KLHL12: variants seen among roughly 807,000 people sequenced by gnomAD.
KLHL12 encodes kelch-like protein 12.
In KLHL12, 17 loss-of-function variants were observed where a neutral mutation model predicts 60.8. The observed-to-expected ratio is 0.28, with a 90% CI of 0.19 to 0.42. KLHL12 has a LOEUF of 0.42. Ranked by LOEUF, KLHL12 falls within the 10% of genes least tolerant of loss-of-function variation. KLHL12 has a pLI of 1.00. For synonymous variants in KLHL12, 220 were observed against 250.9 expected, an observed-to-expected ratio of 0.88 and a Z score of 1.16; for missense variants, 468 against 722.3, an observed-to-expected ratio of 0.65 and a Z score of 4.04.
intron 6 of KLHL12, among the ~76,000 whole-genome samples, chr1:202,903,860 C>G (rs1040184642): frequency 1.3e-5 from 2 of 151,502 alleles, no homozygotes; most frequent in African/African-American, 4.8e-5. Flanking sequence ...TGGGCTCCAT[C>G]GCCTGCCTCA....
chr1:202,924,236 TTGTTA>T (rs1430124614), intron 2 of KLHL12, among the ~76,000 whole-genome samples: 1 of 148,970 alleles, frequency 6.7e-6, no homozygotes, highest in Non-Finnish European at 1.5e-5. Flanking sequence ...CTAATTCCCT[TTGTTA>T]AGTGCTTATG....
intron 2 of KLHL12, among the ~76,000 whole-genome samples, chr1:202,921,498 G>A (rs1274302334): frequency 3.9e-5 from 6 of 152,112 alleles, no homozygotes; most frequent in Non-Finnish European, 5.9e-5. Context: ...TAGTAATGAC[G>A]AAAAAGAACA....
chr1:202,927,519 CAAAAAAAA>C (rs869139683), upstream of KLHL12, among the ~76,000 whole-genome samples: 1 of 52,814 alleles, frequency 1.9e-5, no homozygotes, highest in African/African-American at 8.3e-5. Flanking sequence ...CCCGTTTCTA[CAAAAAAAA>C]AAAAAAAAAA....
At position 202,907,963 on chromosome 1, in the gene KLHL12, T is replaced by C. The variant is rs114381938; in HGVS notation, c.832+1047A>G. Among the ~76,000 whole-genome samples the C allele has an allele frequency of 4.3e-3, 658 of 152,206 alleles. 2 individuals are homozygous for C. Among genetic ancestry groups the C allele is most frequent in the African/African-American group, 0.015 (633 of 41,532 alleles). On this transcript the variant is annotated intron_variant, in intron 6 of 11. Coordinates refer to ENST00000367261, the MANE Select transcript of KLHL12 (RefSeq NM_021633.4). ...TCACCATTCTACCTAAACCCATCAG[T>C]GAGCAGCTTAATTATCAACTAACAC...
At chr1:202,921,759 C>G (rs1451880963) in intron 2 of KLHL12, among the ~76,000 whole-genome samples, 1 of 152,152 alleles carries the variant, frequency 6.6e-6, no homozygotes, top group Non-Finnish European at 1.5e-5. Flanking sequence ...GAAAATTTTA[C>G]TAGATCTTAA....
upstream of KLHL12, chr1:202,928,472 A>C (rs1459915024): frequency 7.7e-7 from 1 of 1,296,718 alleles, no homozygotes; most frequent in African/African-American, 1.5e-5. Flanking sequence ...TGCAGCAAGT[A>C]TGTTTTACCT....
rs544550803 is a variant in KLHL12 at position 202,900,681 on chromosome 1, T to G, written c.833-3721A>C. Among the ~76,000 whole-genome samples the G allele has an allele frequency of 4.5e-3, 680 of 152,236 alleles. 2 individuals are homozygous for G. The highest frequency in any genetic ancestry group is 6.3e-3 in the Non-Finnish European group (429 of 68,002). ...GAGTTCAAGGCCAGCCTGGCCAACA[T>G]GGTGAAACCCCATCTCTACTAATAA... On this transcript the variant is annotated intron_variant, in intron 6 of 11. Transcript: ENST00000367261.
chr1:202,906,942 G>A (rs762374851), intron 6 of KLHL12, among the ~76,000 whole-genome samples: 3 of 152,150 alleles, frequency 2.0e-5, no homozygotes, highest in Non-Finnish European at 1.5e-5. Context: ...GATTACAGGT[G>A]TGAGACACCG....
At chr1:202,925,285 T>C in intron 1 of KLHL12, 78 bp from the exon 2 acceptor site, 1 of 1,463,080 alleles carries the variant, frequency 6.8e-7, no homozygotes, top group Non-Finnish European at 9.1e-7. Context: ...CTTTACAAAT[T>C]AAGAACCTAA....
chr1:202,903,093 G>A (rs573885376), intron 6 of KLHL12, among the ~76,000 whole-genome samples: 5 of 140,428 alleles, frequency 3.6e-5, no homozygotes, highest in African/African-American at 1.3e-4. Flanking sequence ...CCCAGAAAGT[G>A]AAGTTTCAGT....
Position 202,896,965 on chromosome 1 carries a change from A to T in KLHL12, c.833-5T>A, listed in dbSNP as rs1255457637. 6.2e-7 allele frequency: 1 copy of T among 1,612,138 alleles called. No individual in the cohort carries two copies. Among genetic ancestry groups the T allele is most frequent in the African/African-American group, 1.3e-5 (1 of 75,010 alleles). ...CCAAAAGCACTTCATTGGCTCCTGA[A>T]GACAAAGGCAGAAAAAAGATGGGTT... On this transcript the variant is annotated splice_region_variant and splice_polypyrimidine_tract_variant and intron_variant, in intron 6 of 11. Transcript: ENST00000367261.
At chr1:202,922,011 C>G (rs1660708569) in intron 2 of KLHL12, among the ~76,000 whole-genome samples, 1 of 152,118 alleles carries the variant, frequency 6.6e-6, no homozygotes, top group South Asian at 2.1e-4. Context: ...ATTACTATCC[C>G]AACACATTAA....
In KLHL12 at chr1:202,898,883, C is replaced by T. The variant is rs146374291; in HGVS notation, c.833-1923G>A. Among the ~76,000 whole-genome samples the T allele has an allele frequency of 2.4e-3, 360 of 151,142 alleles. 1 individual carries two copies. The highest frequency in any genetic ancestry group is 8.4e-3 in the African/African-American group (343 of 41,074). ...TTATGGAAAAAAAATTACACAAACA[C>T]GTGAGAATAAGGAATTGTGTGATTT... On this transcript the variant is annotated intron_variant, in intron 6 of 11. Transcript: ENST00000367261.
chr1:202,903,139 G>A (rs1406291576), intron 6 of KLHL12, among the ~76,000 whole-genome samples: 1 of 120,268 alleles, frequency 8.3e-6, no homozygotes, highest in Non-Finnish European at 1.6e-5. Flanking sequence ...TAGCCTAGGA[G>A]CCAGAGTGAG....
intron 5 of KLHL12, among the ~76,000 whole-genome samples, chr1:202,910,600 G>T (rs1660323733): frequency 6.6e-6 from 1 of 152,138 alleles, no homozygotes; most frequent in African/African-American, 2.4e-5. Flanking sequence ...AACTTAAGTT[G>T]GAGAAACACT....
At chr1:202,923,411 C>T (rs1660756916) in intron 2 of KLHL12, among the ~76,000 whole-genome samples, 1 of 152,186 alleles carries the variant, frequency 6.6e-6, no homozygotes, top group African/African-American at 2.4e-5. Context: ...GTATATCACA[C>T]AAGTTTATTT....
rs1660694796 is a variant in KLHL12 at position 202,921,415 on chromosome 1, T to A, written c.196-1507A>T. Reference sequence around the variant, plus strand: ...GTCTTGAACTCCTGACCTCAAGTGATCTGCCCACCTCAGCCTCTCAAAATG... The same window carrying A: ...GTCTTGAACTCCTGACCTCAAGTGAACTGCCCACCTCAGCCTCTCAAAATG... On this transcript the variant is annotated intron_variant, in intron 2 of 11. Transcript: ENST00000367261. 3.3e-5 allele frequency among the ~76,000 whole-genome samples: 5 copies of A among 152,188 alleles called. No individual in the cohort carries two copies. In the South Asian group the frequency reaches 1.0e-3, roughly 31 times the overall value.
intron 3 of KLHL12, among the ~76,000 whole-genome samples, chr1:202,919,405 T>C (rs760835503): frequency 2.0e-4 from 30 of 152,262 alleles, no homozygotes; most frequent in Non-Finnish European, 4.0e-4. Context: ...AGATAAAGAG[T>C]ATCCATGTAG....
Position 202,894,189 on chromosome 1 carries a change from C to T in KLHL12, c.1388G>A (p.Arg463His), listed in dbSNP as rs756517742. 3.9e-6 allele frequency: 6 copies of T among 1,545,848 alleles called. No homozygotes were observed. The highest frequency in any genetic ancestry group is 3.5e-6 in the Non-Finnish European group (4 of 1,140,678). ...TCCCTCAGATCTGGTCTTACCAGAA[C>T]GCTTGGTGGCCATTGGTGTAACATT... ...WTNVTPMATK[R>H]SGAGVALLND... Residue 463 changes from arginine (R) to histidine (H), a missense_variant, in exon 10 of 12, where the codon CGT (arginine) becomes CAT (histidine). Transcript: ENST00000367261.
Sources: gnomAD v4.1 joint callset for allele counts (sites outside exome capture counted in the v4.1 genomes callset) on GRCh38, gnomAD v4.1.1 for gene constraint, MANE v1.5 for transcripts, NCBI Gene and HGNC (gene_info 2026-07-23, HGNC 2026-07-21) for gene names.